The following MCF2L variants were observed in gnomAD, a reference collection of about 807,000 sequenced individuals.
MCF2L encodes guanine nucleotide exchange factor DBS.
Under a neutral mutation model 153.4 loss-of-function variants are expected in MCF2L, and 97 were observed. The observed-to-expected ratio is 0.63, with a 90% confidence interval of 0.54 to 0.75. The LOEUF (loss-of-function observed/expected upper bound fraction) is 0.75. Ranked by LOEUF, MCF2L falls within the 30% of genes least tolerant of loss-of-function variation. The pLI, the probability that MCF2L is intolerant of heterozygous loss-of-function variation, is 0.00. For missense variants in MCF2L, 1,347 were observed against 1,495.2 expected (o/e 0.90, Z 1.64); for synonymous variants, 659 against 632.2 (o/e 1.04, Z -0.64).
At chr13:112,979,767 C>G in intron 1 of MCF2L, 2 of 1,608,674 alleles carry the variant, frequency 1.2e-6, no homozygotes, top group Non-Finnish European at 1.7e-6. Context: ...AGGTGAGATA[C>G]AATGGGGTCG....
chr13:112,945,800 G>C (rs1449801924), intron 2 of MCF2L, among the ~76,000 whole-genome samples: 1 of 152,238 alleles, frequency 6.6e-6, no homozygotes, highest in Non-Finnish European at 1.5e-5. Context: ...GCAATAATTG[G>C]GTTGGCACTG....
intron 1 of MCF2L, among the ~76,000 whole-genome samples, chr13:112,974,083 C>A (rs2082138630): frequency 6.6e-6 from 1 of 152,180 alleles, no homozygotes; most frequent in South Asian, 2.1e-4. Context: ...TGCCTCATTG[C>A]CCGGCACTTC....
upstream of MCF2L, chr13:112,968,494 AGC>A: frequency 6.3e-7 from 1 of 1,585,512 alleles, no homozygotes; most frequent in Non-Finnish European, 8.5e-7. Context: ...CCGTGCCTGC[AGC>A]GCGCGCTTCC....
At chr13:112,973,321 G>A (rs2082114249) in intron 1 of MCF2L, among the ~76,000 whole-genome samples, 1 of 152,184 alleles carries the variant, frequency 6.6e-6, no homozygotes, top group South Asian at 2.1e-4. Flanking sequence ...CGTCTGTGTG[G>A]GTTGCTGACT....
At chr13:113,023,625 G>C (rs971102162) in intron 2 of MCF2L, among the ~76,000 whole-genome samples, 1 of 152,208 alleles carries the variant, frequency 6.6e-6, no homozygotes, top group African/African-American at 2.4e-5. Context: ...TCCATAAAAA[G>C]CTACCCTAAA....
At chr13:113,058,210 G>A (rs560933462) in intron 4 of MCF2L, among the ~76,000 whole-genome samples, 57 of 149,700 alleles carry the variant, frequency 3.8e-4, no homozygotes, top group African/African-American at 8.6e-4. Context: ...GTTTTTGGGC[G>A]CTGTGTGTTT....
At chr13:112,902,464 A>G (rs2081129172) in intron 2 of MCF2L, 1 of 1,311,592 alleles carries the variant, frequency 7.6e-7, no homozygotes, top group African/African-American at 1.5e-5. Context: ...CCTTTTAGAG[A>G]TTGACAAGGT....
At chr13:113,078,539 C>T in intron 14 of MCF2L, 103 bp downstream of exon 14, 1 of 1,377,894 alleles carries the variant, frequency 7.3e-7, no homozygotes, top group Non-Finnish European at 1.0e-6. Context: ...TGCCCAGCTA[C>T]CTGGCCAGCT....
chr13:112,942,519 T>G (rs1400480918), intron 2 of MCF2L, among the ~76,000 whole-genome samples: 2 of 152,224 alleles, frequency 1.3e-5, no homozygotes, highest in Non-Finnish European at 1.5e-5. Context: ...CTGTCTTTTC[T>G]TTTATCTCTT....
Position 112,932,256 on chromosome 13 carries a change from G to A in MCF2L, c.169+29885G>A, listed in dbSNP as rs2081471981. Among the ~76,000 whole-genome samples, 1 of 152,154 alleles carries A rather than the reference G, an allele frequency of 6.6e-6. No homozygotes were observed. The highest frequency in any genetic ancestry group is 2.4e-5 in the African/African-American group (1 of 41,440). On this transcript the variant is annotated intron_variant, in intron 2 of 29. Coordinates refer to the MCF2L transcript ENST00000375608. This position sits in a 1 kb window ranked among gnomAD's most constrained non-coding sequence, Gnocchi z 4.6. Reference sequence around the variant, plus strand: ...GTGACCGGGATGGCACTTTACCTCTGTAGTCCTCCTCCCCAAGCACATCCT... The same window carrying A: ...GTGACCGGGATGGCACTTTACCTCTATAGTCCTCCTCCCCAAGCACATCCT...
At chr13:112,962,184 C>T (rs1345971407) in intron 2 of MCF2L, among the ~76,000 whole-genome samples, 2 of 150,930 alleles carry the variant, frequency 1.3e-5, no homozygotes, top group African/African-American at 4.9e-5. Flanking sequence ...TGCACACACA[C>T]GCATGCACAA....
rs561263678 is a variant in MCF2L at position 113,046,885 on chromosome 13, C to T, written c.369+1524C>T. 5.8e-4 allele frequency: 167 copies of T among 285,682 alleles called. No individual in the cohort carries two copies. The highest frequency in any genetic ancestry group is 9.0e-4 in the Non-Finnish European group (131 of 146,120). 17.7% of individuals were successfully genotyped at this position (285,682 alleles called of 1,614,324 possible). On this transcript the variant is annotated intron_variant, in intron 4 of 29. Coordinates refer to ENST00000535094, the MANE Select transcript of MCF2L (RefSeq NM_001112732.3). This position sits in a 1 kb window ranked among gnomAD's most constrained non-coding sequence, Gnocchi z 4.4. Reference sequence around the variant, plus strand: ...TCTTCCTTTGTTTTAACAGTGCGTTCGTTTGCTTTTGCGTCACTATAAAGA... The same window carrying T: ...TCTTCCTTTGTTTTAACAGTGCGTTTGTTTGCTTTTGCGTCACTATAAAGA...
intron 2 of MCF2L, among the ~76,000 whole-genome samples, chr13:113,024,223 C>A (rs2085085438): frequency 6.6e-6 from 1 of 152,100 alleles, no homozygotes; most frequent in Non-Finnish European, 1.5e-5. Flanking sequence ...AGTGCACATG[C>A]ATATATGGAA....
At chr13:113,000,521 A>T (rs1566712700) in intron 1 of MCF2L, among the ~76,000 whole-genome samples, 1 of 152,170 alleles carries the variant, frequency 6.6e-6, no homozygotes, top group Non-Finnish European at 1.5e-5. Context: ...GAGCTTCCAG[A>T]CTTAGCTTTG....
chr13:112,962,017 G>A (rs911205572), intron 2 of MCF2L, among the ~76,000 whole-genome samples: 1 of 150,364 alleles, frequency 6.7e-6, no homozygotes, highest in South Asian at 2.1e-4. Flanking sequence ...GCTTACACAT[G>A]GGCTCACACC....
At chr13:112,929,931 C>T (rs189436508) in intron 2 of MCF2L, among the ~76,000 whole-genome samples, 10 of 152,318 alleles carry the variant, frequency 6.6e-5, no homozygotes, top group Non-Finnish European at 1.3e-4. Context: ...CATTGAAAGC[C>T]GTTGCTGGGA....
rs1211195554 is a variant in MCF2L, at chr13:113,046,247, C to G, written c.369+886C>G. 4.5e-6 allele frequency: 1 copy of G among 222,964 alleles called. No homozygotes were observed. Among genetic ancestry groups the G allele is most frequent in the Admixed American group, 5.6e-5 (1 of 17,908 alleles). 13.8% of individuals were successfully genotyped at this position (222,964 alleles called of 1,614,324 possible). On this transcript the variant is annotated intron_variant, in intron 4 of 29. Transcript: ENST00000535094. This position sits in a 1 kb window ranked among gnomAD's most constrained non-coding sequence, Gnocchi z 4.4. ...CCTGTCCGTCCAAATTTCATTGCTG[C>G]CAAAGGACCAAAAAAGGCTGCCTGT...
rs536598404 is a variant in MCF2L at position 113,030,311 on chromosome 13, G to A, written c.278+5553G>A. 6.7e-3 allele frequency among the ~76,000 whole-genome samples: 910 copies of A among 136,206 alleles called. 17 individuals are homozygous for A. Among genetic ancestry groups the A allele is most frequent in the Non-Finnish European group, 0.012 (729 of 62,938 alleles). The allele number at this position is 136,206 out of a possible 152,430, so 89.4% of individuals were successfully genotyped here. On this transcript the variant is annotated intron_variant, in intron 3 of 29. Transcript: ENST00000535094. Reference sequence around the variant, plus strand: ...GGCCCTCGGGTGTCCGCCGACGCCCGGTGTGGACCCTCAGGTGTCTGCCGA... The same window carrying A: ...GGCCCTCGGGTGTCCGCCGACGCCCAGTGTGGACCCTCAGGTGTCTGCCGA...
intron 3 of MCF2L, chr13:113,043,385 A>T (rs1021138934): frequency 6.6e-6 from 1 of 152,252 alleles, no homozygotes; most frequent in African/African-American, 2.4e-5. Context: ...CTCTAGGAGG[A>T]CTGGGACCCA....
Sources: gnomAD v4.1 joint callset for allele counts (sites outside exome capture counted in the v4.1 genomes callset) on GRCh38, gnomAD v4.1.1 for gene constraint, Gnocchi (gnomAD v3.1) non-coding constraint, MANE v1.5 for transcripts, NCBI Gene and HGNC (gene_info 2026-07-23, HGNC 2026-07-21) for gene names.